The following ZNF385D variants were observed in gnomAD, a reference collection of about 807,000 sequenced individuals.
ZNF385D encodes zinc finger protein 659.
Under a neutral mutation model 35.8 loss-of-function variants are expected in ZNF385D, and 15 were observed. The ratio of observed to expected loss-of-function variants is 0.42; its 90% CI spans 0.28 to 0.64. The LOEUF is 0.64. Among genes scored for constraint, ZNF385D ranks in the 30% least tolerant of loss-of-function variants. ZNF385D has a pLI of 0.23. For missense variants in ZNF385D, 474 were observed against 494.6 expected (o/e 0.96, Z 0.39); for synonymous variants, 212 against 186.8 (o/e 1.13, Z -1.10).
chr3:22,229,647 T>A (rs1481950703), intron 2 of ZNF385D, among the ~76,000 whole-genome samples: 1 of 152,162 alleles, frequency 6.6e-6, no homozygotes, highest in Admixed American at 6.5e-5. Flanking sequence ...TACAACTCCC[T>A]TGCTCAAGCC....
At position 21,680,027 on chromosome 3, in the gene ZNF385D, G is replaced by T. The variant is rs373080813; in HGVS notation, c.23-14999C>A. On this transcript the variant is annotated intron_variant, in intron 1 of 7. Transcript: ENST00000281523. ...GACTCAAAATATGATAGCTGACTTGGAATCTGGGACGTAAATATTTAATAT... is the reference window on the plus strand; with the variant it reads ...GACTCAAAATATGATAGCTGACTTGTAATCTGGGACGTAAATATTTAATAT... Among the ~76,000 whole-genome samples, 5 of 152,190 alleles carry T rather than the reference G, an allele frequency of 3.3e-5. No individual in the cohort carries two copies. In the South Asian group the frequency reaches 1.0e-3, roughly 32 times the overall value.
At chr3:21,967,556 A>G (rs1022051843) in intron 3 of ZNF385D, among the ~76,000 whole-genome samples, 1 of 152,206 alleles carries the variant, frequency 6.6e-6, no homozygotes, top group African/African-American at 2.4e-5. Flanking sequence ...AGGAAAGCTT[A>G]TAGAGGGGAG....
intron 3 of ZNF385D, among the ~76,000 whole-genome samples, chr3:22,049,836 T>C (rs184004283): frequency 6.6e-6 from 1 of 152,334 alleles, no homozygotes; most frequent in Admixed American, 6.5e-5. Context: ...CTTTGCATCC[T>C]AGTAATAAAT....
chr3:22,194,768 T>C (rs1696295874), intron 2 of ZNF385D, among the ~76,000 whole-genome samples: 1 of 152,032 alleles, frequency 6.6e-6, no homozygotes, highest in African/African-American at 2.4e-5. Context: ...CCTTTGAGAC[T>C]GGCTTTTTAA....
chr3:21,460,472 T>C (rs1703094203), intron 4 of ZNF385D, among the ~76,000 whole-genome samples: 1 of 152,210 alleles, frequency 6.6e-6, no homozygotes, highest in South Asian at 2.1e-4. Flanking sequence ...ACAACATGTA[T>C]GCAAGCTGTG....
chr3:21,863,734 T>C (rs2125833955), intron 3 of ZNF385D, among the ~76,000 whole-genome samples: 1 of 152,246 alleles, frequency 6.6e-6, no homozygotes, highest in Non-Finnish European at 1.5e-5. Flanking sequence ...ATTATGTCAG[T>C]ACGATTGATA....
At chr3:21,516,444 G>A (rs1252791868) in intron 3 of ZNF385D, among the ~76,000 whole-genome samples, 2 of 151,896 alleles carry the variant, frequency 1.3e-5, no homozygotes, top group South Asian at 2.1e-4. Context: ...TTTTTTTAAA[G>A]AGAAATTTAC....
At chr3:21,863,066 C>T (rs1697143901) in intron 3 of ZNF385D, among the ~76,000 whole-genome samples, 1 of 152,030 alleles carries the variant, frequency 6.6e-6, no homozygotes, top group Non-Finnish European at 1.5e-5. Context: ...TTTGAAAATA[C>T]ACACATAAAT....
intron 1 of ZNF385D, among the ~76,000 whole-genome samples, chr3:21,741,540 G>A (rs912580668): frequency 5.9e-5 from 9 of 152,064 alleles, no homozygotes; most frequent in South Asian, 2.1e-4. Context: ...AAACAAGAGC[G>A]TCATAAGTTG....
intron 3 of ZNF385D, among the ~76,000 whole-genome samples, chr3:22,035,586 A>G (rs1198869296): frequency 1.3e-5 from 2 of 152,178 alleles, no homozygotes; most frequent in East Asian, 1.9e-4. Context: ...TCTTTGATGA[A>G]TTGTCATAAT....
At chr3:21,908,937 C>A (rs1019057549) in intron 3 of ZNF385D, among the ~76,000 whole-genome samples, 2 of 151,872 alleles carry the variant, frequency 1.3e-5, no homozygotes, top group African/African-American at 2.4e-5. Flanking sequence ...CTCTATTTTA[C>A]CTAGTTAATA....
At chr3:21,939,456 C>G in intron 3 of ZNF385D, among the ~76,000 whole-genome samples, 1 of 150,758 alleles carries the variant, frequency 6.6e-6, no homozygotes, top group East Asian at 2.0e-4. Flanking sequence ...ATTTAGGCCT[C>G]TAAAAACTAT....
intron 3 of ZNF385D, among the ~76,000 whole-genome samples, chr3:21,834,090 A>G (rs1190008866): frequency 6.6e-6 from 1 of 152,170 alleles, no homozygotes; most frequent in East Asian, 1.9e-4. Flanking sequence ...GACAATAAGA[A>G]AAAAAGGGAA....
chr3:22,358,533 GA>G (rs1232996003), intron 2 of ZNF385D, among the ~76,000 whole-genome samples: 4 of 151,790 alleles, frequency 2.6e-5, no homozygotes, highest in African/African-American at 7.2e-5. Flanking sequence ...AGTAATTGAT[GA>G]AATGTTTAGG....
intron 2 of ZNF385D, among the ~76,000 whole-genome samples, chr3:22,315,754 C>G (rs1703852547): frequency 6.6e-6 from 1 of 152,180 alleles, no homozygotes; most frequent in Non-Finnish European, 1.5e-5. Flanking sequence ...AAAAGCCAAG[C>G]TCACCATGGG....
At chr3:22,133,389 A>C (rs1322295844) in intron 3 of ZNF385D, among the ~76,000 whole-genome samples, 2 of 152,042 alleles carry the variant, frequency 1.3e-5, no homozygotes, top group African/African-American at 4.8e-5. Flanking sequence ...TGTGTGTGAA[A>C]GACAGGGAGG....
intron 2 of ZNF385D, among the ~76,000 whole-genome samples, chr3:21,657,984 GA>G (rs2066122511): frequency 6.6e-6 from 1 of 151,884 alleles, no homozygotes; most frequent in Admixed American, 6.6e-5. Flanking sequence ...CCATTTTAAA[GA>G]TGAAGGAGAC....
chr3:22,201,507 T>G (rs910889916), intron 2 of ZNF385D, among the ~76,000 whole-genome samples: 1 of 152,046 alleles, frequency 6.6e-6, no homozygotes, highest in African/African-American at 2.4e-5. Context: ...GAAATACATT[T>G]TCATAGAATA....
At chr3:21,604,009 G>A (rs1263841440) in intron 2 of ZNF385D, among the ~76,000 whole-genome samples, 2 of 152,148 alleles carry the variant, frequency 1.3e-5, no homozygotes, top group African/African-American at 4.8e-5. Flanking sequence ...GACTTGTGTT[G>A]AGTTGGTGAA....
Sources: allele counts gnomAD v4.1 joint callset (sites outside exome capture counted in the v4.1 genomes callset), GRCh38; gene constraint gnomAD v4.1.1; transcripts MANE v1.5; gene names NCBI Gene and HGNC (gene_info 2026-07-23, HGNC 2026-07-21).